The following DGLUCY variants were observed in gnomAD, a reference collection of about 807,000 sequenced individuals.
DGLUCY encodes the protein D-glutamate cyclase, also known as D-glutamate cyclase, mitochondrial.
DGLUCY carries 58 observed loss-of-function variants against 58.5 expected under a neutral mutation model. The ratio of observed to expected loss-of-function variants is 0.99; its 90% confidence interval spans 0.80 to 1.23. The LOEUF (loss-of-function observed/expected upper bound fraction) is 1.23, where lower values mean the gene tolerates loss of function less well. DGLUCY is among the 50% of genes most tolerant of loss of function. DGLUCY has a pLI of 0.00. For missense variants in DGLUCY, 779 were observed against 784.7 expected (o/e 0.99, Z 0.09); for synonymous variants, 325 against 314.1 (o/e 1.03, Z -0.37).
chr14:91,098,390 A>G (rs2044431004), intron 1 of DGLUCY, among the ~76,000 whole-genome samples: 1 of 152,184 alleles, frequency 6.6e-6, no homozygotes, highest in Non-Finnish European at 1.5e-5. Context: ...CTTGAGGTCA[A>G]GGCTGTAGTG....
At chr14:91,079,809 G>C (rs1364564697) in intron 1 of DGLUCY, among the ~76,000 whole-genome samples, 1 of 152,086 alleles carries the variant, frequency 6.6e-6, no homozygotes, top group Non-Finnish European at 1.5e-5. Flanking sequence ...AAAAATTATG[G>C]TAAATATATA....
At chr14:91,096,827 G>GGT (rs2044403265) in intron 1 of DGLUCY, among the ~76,000 whole-genome samples, 1 of 152,210 alleles carries the variant, frequency 6.6e-6, no homozygotes. Flanking sequence ...GGCCCACTGA[G>GGT]AGGGAGTGGG....
upstream of DGLUCY, among the ~76,000 whole-genome samples, chr14:91,110,880 T>A (rs1259455703): frequency 6.6e-6 from 1 of 151,964 alleles, no homozygotes; most frequent in Non-Finnish European, 1.5e-5. Flanking sequence ...CTCCAGAACT[T>A]CTTCATTTCA....
Position 91,162,288 on chromosome 14 carries a change from T to C in DGLUCY, c.103+1891T>C, listed in dbSNP as rs139909118. 9.8e-3 allele frequency among the ~76,000 whole-genome samples: 1,492 copies of C among 152,236 alleles called. 88 individuals are homozygous for C. The highest frequency in any genetic ancestry group is 0.086 in the Admixed American group (1,319 of 15,278). On this transcript the variant is annotated intron_variant, in intron 3 of 13. Transcript: ENST00000256324. Reference sequence around the variant, plus strand: ...GTTAAAGGGTGTTTTTTCCTCTCTCTTGTCATTAAGTTAAAAAAAATGATT... The same window carrying C: ...GTTAAAGGGTGTTTTTTCCTCTCTCCTGTCATTAAGTTAAAAAAAATGATT...
intron 12 of DGLUCY, among the ~76,000 whole-genome samples, chr14:91,206,231 G>A (rs10083403): frequency 1.3e-5 from 2 of 151,810 alleles, no homozygotes; most frequent in Admixed American, 6.6e-5. Context: ...TGCCACGTAA[G>A]GGGGAGAGGA....
chr14:91,090,182 C>T (rs2044288275), intron 1 of DGLUCY, among the ~76,000 whole-genome samples: 1 of 152,166 alleles, frequency 6.6e-6, no homozygotes, highest in African/African-American at 2.4e-5. Context: ...GGGAGGAAAA[C>T]ACCTTGTTCC....
intron 12 of DGLUCY, among the ~76,000 whole-genome samples, chr14:91,205,798 CG>C (rs1884535403): frequency 8.0e-6 from 1 of 125,502 alleles, no homozygotes; most frequent in Admixed American, 7.8e-5. Flanking sequence ...TCTTCTTCTC[CG>C]TCTCCTTCTC....
chr14:91,165,150 T>A (rs1324221790), intron 3 of DGLUCY: 3 of 425,734 alleles, frequency 7.0e-6, no homozygotes, highest in African/African-American at 6.2e-5. Context: ...CATTGTTTCA[T>A]TACCTAGTAT....
At chr14:91,163,632 C>G (rs2048115029) in intron 3 of DGLUCY, among the ~76,000 whole-genome samples, 1 of 152,128 alleles carries the variant, frequency 6.6e-6, no homozygotes, top group Non-Finnish European at 1.5e-5. Context: ...CTAGGGAAAC[C>G]CAGTGCCTGC....
intron 12 of DGLUCY, among the ~76,000 whole-genome samples, chr14:91,210,795 G>C (rs1885555841): frequency 6.6e-6 from 1 of 152,144 alleles, no homozygotes; most frequent in South Asian, 2.1e-4. Flanking sequence ...TTTCCACTAA[G>C]ATTAGGAAAA....
At chr14:91,214,024 T>TG (rs1567013585) in intron 12 of DGLUCY, among the ~76,000 whole-genome samples, 2 of 64,478 alleles carry the variant, frequency 3.1e-5, no homozygotes, top group African/African-American at 1.3e-4. Flanking sequence ...TTGTTATTTT[T>TG]TTTGTTTGTT....
intron 1 of DGLUCY, among the ~76,000 whole-genome samples, chr14:91,078,369 G>A (rs1448101801): frequency 1.3e-5 from 2 of 152,154 alleles, no homozygotes; most frequent in East Asian, 3.8e-4. Flanking sequence ...AATAACCTTG[G>A]CCTACATTTA....
intron 2 of DGLUCY, among the ~76,000 whole-genome samples, chr14:91,159,308 G>A (rs935857871): frequency 2.6e-5 from 4 of 152,070 alleles, no homozygotes; most frequent in African/African-American, 9.7e-5. Flanking sequence ...CAAGCCAGGT[G>A]TCGTGGCACA....
chr14:91,111,495 A>G (rs1182182506), upstream of DGLUCY, among the ~76,000 whole-genome samples: 1 of 152,048 alleles, frequency 6.6e-6, no homozygotes, highest in Non-Finnish European at 1.5e-5. Context: ...GTTGACCAGG[A>G]TGGTCTCAAT....
intron 1 of DGLUCY, among the ~76,000 whole-genome samples, chr14:91,144,790 A>G (rs1216062884): frequency 6.6e-6 from 1 of 152,178 alleles, no homozygotes; most frequent in Non-Finnish European, 1.5e-5. Flanking sequence ...TTGTGAAATA[A>G]AAAGGCAGGA....
At chr14:91,065,996 G>A (rs1028660618) in intron 1 of DGLUCY, among the ~76,000 whole-genome samples, 6 of 152,328 alleles carry the variant, frequency 3.9e-5, no homozygotes, top group African/African-American at 1.4e-4. Context: ...CTGAGACAGA[G>A]AGGTTGTCCA....
chr14:91,214,797 A>G (rs1053871486), intron 12 of DGLUCY, among the ~76,000 whole-genome samples: 2 of 152,052 alleles, frequency 1.3e-5, no homozygotes, highest in African/African-American at 4.8e-5. Context: ...CTCCACCCCA[A>G]TGAGCTATGG....
chr14:91,191,400 A>C (rs1218038480), intron 9 of DGLUCY, among the ~76,000 whole-genome samples: 1 of 152,158 alleles, frequency 6.6e-6, no homozygotes, highest in African/African-American at 2.4e-5. Context: ...ACAATGTGAA[A>C]TATTTTATGC....
At position 91,074,116 on chromosome 14, in the gene DGLUCY, TATACACACACACAC is replaced by T. The variant is rs1264548493; in HGVS notation, c.-82+13414_-82+13427del. Among the ~76,000 whole-genome samples, 38 of 77,494 alleles carry T rather than the reference TATACACACACACAC, an allele frequency of 4.9e-4. 2 individuals are homozygous for T. Among genetic ancestry groups the T allele is most frequent in the Middle Eastern group, 8.2e-3 (1 of 122 alleles). The allele number at this position is 77,494 out of a possible 152,430, so 50.8% of individuals were successfully genotyped here. On this transcript the variant is annotated intron_variant, in intron 1 of 4. Coordinates refer to the DGLUCY transcript ENST00000521334. ...ACCAAAAAAAAAAAATATATATATA[TATACACACACACAC>T]ACACACACACACACACACACACACA...
Sources: allele counts gnomAD v4.1 joint callset (sites outside exome capture counted in the v4.1 genomes callset), GRCh38; gene constraint gnomAD v4.1.1; transcripts MANE v1.5; gene names NCBI Gene and HGNC (gene_info 2026-07-23, HGNC 2026-07-21).